The following ATRNL1 variants were observed in gnomAD, a reference collection of about 807,000 sequenced individuals.
The protein encoded by ATRNL1 is attractin-like protein 1.
ATRNL1 carries 95 observed loss-of-function variants against 182.7 expected under a neutral mutation model. That is an observed-to-expected ratio of 0.52 (90% CI 0.44 to 0.62). ATRNL1 has a LOEUF of 0.62. Among genes scored for constraint, ATRNL1 ranks in the 20% least tolerant of loss-of-function variants. The pLI is 0.00. For missense variants in ATRNL1, 1,471 were observed against 1,679.5 expected (o/e 0.88, Z 2.17); for synonymous variants, 576 against 568.3 (o/e 1.01, Z -0.19).
chr10:115,391,281 T>C (rs1472091219), intron 19 of ATRNL1, among the ~76,000 whole-genome samples: 1 of 152,162 alleles, frequency 6.6e-6, no homozygotes, highest in Non-Finnish European at 1.5e-5. Context: ...TTCAGTATGA[T>C]GTTAGCTGTG....
chr10:115,256,859 A>G (rs569991298), intron 10 of ATRNL1, among the ~76,000 whole-genome samples: 6 of 152,180 alleles, frequency 3.9e-5, no homozygotes, highest in Non-Finnish European at 8.8e-5. Flanking sequence ...TTGGTTTCAA[A>G]GAACATCTTT....
chr10:115,226,139 T>A (rs1448816138), intron 9 of ATRNL1, among the ~76,000 whole-genome samples: 1 of 151,846 alleles, frequency 6.6e-6, no homozygotes, highest in African/African-American at 2.4e-5. Context: ...GCACTTAATC[T>A]ATGACAAAGG....
intron 26 of ATRNL1, among the ~76,000 whole-genome samples, chr10:115,613,825 C>A (rs924820495): frequency 2.6e-5 from 4 of 151,766 alleles, no homozygotes; most frequent in Non-Finnish European, 5.9e-5. Context: ...ATATTTTTTT[C>A]TAAATGGTCT....
intron 27 of ATRNL1, among the ~76,000 whole-genome samples, chr10:115,800,968 G>C (rs574610492): frequency 6.6e-6 from 1 of 152,276 alleles, no homozygotes; most frequent in East Asian, 1.9e-4. Context: ...ATTCTCTAAG[G>C]AAAATACAGG....
chr10:115,298,496 G>C (rs1262026968), intron 15 of ATRNL1, among the ~76,000 whole-genome samples: 1 of 152,020 alleles, frequency 6.6e-6, no homozygotes, highest in East Asian at 1.9e-4. Context: ...CTTGACTATA[G>C]ATAGTTCAGG....
chr10:115,303,646 T>C lies in ATRNL1; in HGVS notation c.2818+1603T>C, dbSNP rs538332131. On this transcript the variant is annotated intron_variant, in intron 17 of 28. Coordinates refer to ENST00000355044, the MANE Select transcript of ATRNL1 (RefSeq NM_207303.4). Reference sequence around the variant, plus strand: ...TTTGCTTCTTTTTCAGTTCCCTTCTTCTCAACATCTGAGTGTCCAGGAAGC... The same window carrying C: ...TTTGCTTCTTTTTCAGTTCCCTTCTCCTCAACATCTGAGTGTCCAGGAAGC... Among the ~76,000 whole-genome samples the C allele has an allele frequency of 2.6e-5, 4 of 152,290 alleles. No individual in the cohort carries two copies. The East Asian group carries it at 7.7e-4, about 29-fold the overall frequency.
chr10:115,496,216 A>C (rs1849543298), intron 24 of ATRNL1, among the ~76,000 whole-genome samples: 1 of 152,052 alleles, frequency 6.6e-6, no homozygotes, highest in African/African-American at 2.4e-5. Flanking sequence ...GTGTCATTGC[A>C]CGTAAGATGG....
At chr10:115,327,591 T>C (rs1187428394) in intron 18 of ATRNL1, among the ~76,000 whole-genome samples, 7 of 148,812 alleles carry the variant, frequency 4.7e-5, no homozygotes, top group Non-Finnish European at 7.5e-5. Context: ...ACTGGGTATA[T>C]ACCCAAAGGA....
chr10:115,737,434 TAA>T (rs201707341), intron 27 of ATRNL1, among the ~76,000 whole-genome samples: 8 of 139,344 alleles, frequency 5.7e-5, no homozygotes, highest in Non-Finnish European at 4.7e-5. Context: ...AGACCCTGTC[TAA>T]AAAAAAAAAA....
chr10:115,469,378 A>G (rs782191505), intron 24 of ATRNL1, 49 bp downstream of exon 24: 3 of 1,225,708 alleles, frequency 2.4e-6, no homozygotes, highest in Non-Finnish European at 3.3e-6. Context: ...TCATTAAGAA[A>G]AGAATGGTGC....
At chr10:115,261,605 T>G (rs1464316325) in intron 10 of ATRNL1, among the ~76,000 whole-genome samples, 1 of 152,168 alleles carries the variant, frequency 6.6e-6, no homozygotes, top group Non-Finnish European at 1.5e-5. Context: ...GCAGTAGATA[T>G]ACAGAAAGGT....
At chr10:115,111,734 C>A (rs1466191569) in intron 1 of ATRNL1, among the ~76,000 whole-genome samples, 2 of 152,138 alleles carry the variant, frequency 1.3e-5, no homozygotes, top group African/African-American at 4.8e-5. Context: ...TTGGAGGAGT[C>A]ATATATTCAA....
intron 24 of ATRNL1, among the ~76,000 whole-genome samples, chr10:115,501,715 A>G (rs1849848081): frequency 6.6e-6 from 1 of 152,244 alleles, no homozygotes; most frequent in South Asian, 2.1e-4. Flanking sequence ...ATAGCTTTAA[A>G]GAAAAGTTTT....
intron 18 of ATRNL1, among the ~76,000 whole-genome samples, chr10:115,316,494 A>G (rs1459313826): frequency 6.6e-6 from 1 of 152,072 alleles, no homozygotes; most frequent in African/African-American, 2.4e-5. Context: ...TTGCTGGGTC[A>G]AATGGTATTT....
At chr10:115,102,901 GA>G (rs1305505658) in intron 1 of ATRNL1, among the ~76,000 whole-genome samples, 1 of 151,970 alleles carries the variant, frequency 6.6e-6, no homozygotes, top group Non-Finnish European at 1.5e-5. Context: ...TCATTTTGAG[GA>G]GAATTGATAT....
At chr10:115,301,341 C>T (rs1853457551) in intron 16 of ATRNL1, among the ~76,000 whole-genome samples, 1 of 152,158 alleles carries the variant, frequency 6.6e-6, no homozygotes, top group South Asian at 2.1e-4. Context: ...TTCAATTTCT[C>T]TCCATCCTTG....
chr10:115,773,379 C>T (rs1555076961), intron 27 of ATRNL1, among the ~76,000 whole-genome samples: 2 of 152,060 alleles, frequency 1.3e-5, no homozygotes, highest in East Asian at 3.9e-4. Context: ...AAAGGGAGCA[C>T]AAGAAAATTG....
intron 20 of ATRNL1, among the ~76,000 whole-genome samples, chr10:115,425,457 C>T (rs142528552): frequency 2.6e-5 from 4 of 151,962 alleles, no homozygotes; most frequent in East Asian, 1.9e-4. Flanking sequence ...AAATGTTATG[C>T]AAAACCATGC....
intron 20 of ATRNL1, among the ~76,000 whole-genome samples, chr10:115,423,922 T>G (rs371726534): frequency 6.6e-6 from 1 of 152,030 alleles, no homozygotes; most frequent in Non-Finnish European, 1.5e-5. Flanking sequence ...AAAGCAAAAA[T>G]AGAGAAATGG....
Sources: allele counts gnomAD v4.1 joint callset (sites outside exome capture counted in the v4.1 genomes callset), GRCh38; gene constraint gnomAD v4.1.1; transcripts MANE v1.5; gene names NCBI Gene and HGNC (gene_info 2026-07-23, HGNC 2026-07-21).